The following ABCA13 variants were observed in gnomAD, a reference collection of about 807,000 sequenced individuals.
ABCA13 encodes the protein ATP-binding cassette sub-family A member 13.
Under a neutral mutation model 478.7 loss-of-function variants are expected in ABCA13, and 476 were observed. The ratio of observed to expected loss-of-function variants is 0.99; its 90% CI spans 0.92 to 1.07. The LOEUF (loss-of-function observed/expected upper bound fraction) is 1.07. Ranked by LOEUF, ABCA13 falls within the 50% of genes least tolerant of loss-of-function variation. The pLI, the probability that ABCA13 is intolerant of heterozygous loss-of-function variation, is 0.00. For synonymous variants in ABCA13, 2,252 were observed against 2,158.9 expected (o/e 1.04, Z -1.20); for missense variants, 6,060 against 5,910.6 (o/e 1.03, Z -0.83).
chr7:48,254,605 A>AT (rs1425472070), intron 15 of ABCA13, among the ~76,000 whole-genome samples: 7 of 151,512 alleles, frequency 4.6e-5, no homozygotes, highest in Middle Eastern at 3.4e-3. Context: ...ACTCTGCATG[A>AT]TTTTTTTTTC....
At chr7:48,643,155 A>G (rs1795219981) in intron 59 of ABCA13, 133 bp from the exon 60 acceptor site, 1 of 600,752 alleles carries the variant, frequency 1.7e-6, no homozygotes, top group Non-Finnish European at 3.0e-6. Context: ...TGTGTCTTAT[A>G]TTGAGAATCC....
intron 47 of ABCA13, among the ~76,000 whole-genome samples, chr7:48,488,478 A>G (rs1017922434): frequency 8.5e-5 from 13 of 152,172 alleles, no homozygotes; most frequent in Non-Finnish European, 1.6e-4. Context: ...ACTTGCTGTG[A>G]GGCAGCGGTA....
At chr7:48,347,676 G>A (rs977620188) in intron 29 of ABCA13, among the ~76,000 whole-genome samples, 5 of 152,180 alleles carry the variant, frequency 3.3e-5, no homozygotes, top group Non-Finnish European at 7.3e-5. Flanking sequence ...GTGGAGGTGG[G>A]GCTGGAAATC....
At chr7:48,590,406 G>T (rs998705284) in intron 57 of ABCA13, among the ~76,000 whole-genome samples, 1 of 152,084 alleles carries the variant, frequency 6.6e-6, no homozygotes, top group Admixed American at 6.5e-5. Flanking sequence ...TGCTTAGGTT[G>T]TTTCTATATC....
At chr7:48,269,873 C>T (rs1328385883) in intron 16 of ABCA13, among the ~76,000 whole-genome samples, 4 of 152,168 alleles carry the variant, frequency 2.6e-5, no homozygotes, top group Non-Finnish European at 5.9e-5. Context: ...TCCTATGGAA[C>T]TTCTTAAGCC....
At chr7:48,180,313 G>A (rs1264456680) in intron 1 of ABCA13, among the ~76,000 whole-genome samples, 1 of 152,178 alleles carries the variant, frequency 6.6e-6, no homozygotes, top group Non-Finnish European at 1.5e-5. Context: ...TCCAGGTGGG[G>A]TTAGGCACTG....
intron 59 of ABCA13, among the ~76,000 whole-genome samples, chr7:48,617,534 G>A (rs1478883611): frequency 2.6e-5 from 4 of 152,130 alleles, no homozygotes; most frequent in Non-Finnish European, 5.9e-5. Flanking sequence ...GAGGGAGAAC[G>A]GAAGAGAGGA....
chr7:48,458,998 C>A (rs910089962), intron 43 of ABCA13, among the ~76,000 whole-genome samples: 1 of 152,286 alleles, frequency 6.6e-6, no homozygotes, highest in Non-Finnish European at 1.5e-5. Flanking sequence ...CCATTCATGA[C>A]CCAGGCTTCT....
intron 45 of ABCA13, among the ~76,000 whole-genome samples, chr7:48,473,796 A>G (rs1038805005): frequency 6.6e-6 from 1 of 152,058 alleles, no homozygotes. Flanking sequence ...TCCTCAGATA[A>G]AAAGTTTTTT....
At position 48,248,411 on chromosome 7, in the gene ABCA13, C is replaced by G; in HGVS notation, c.1832C>G (p.Ser611Cys). ...CCCTCTCCTGAGAATGATGTCTTTT[C>G]TAGTGACTGTAAGCACCAGCTTGTC... ...ADPSPENDVFSSDCKHQLVST... is the reference protein window; with the variant it reads ...ADPSPENDVFCSDCKHQLVST... Residue 611 changes from serine to cysteine, a missense_variant, in exon 14 of 62, where the codon TCT becomes TGT. Ser to Cys is a moderately radical substitution (Grantham distance 112). Transcript: ENST00000435803. 6.2e-7 allele frequency: 1 copy of G among 1,611,470 alleles called. No homozygotes were observed. The highest frequency in any genetic ancestry group is 1.3e-5 in the African/African-American group (1 of 74,954).
rs959967334 is a variant in ABCA13 at position 48,646,607 on chromosome 7, C to T, written c.*1095C>T. The T allele has an allele frequency of 7.9e-5, 12 of 152,162 alleles. 1 individual carries two copies. The highest frequency in any genetic ancestry group is 2.9e-4 in the African/African-American group (12 of 41,478). 9.4% of individuals were successfully genotyped at this position (152,162 alleles called of 1,614,324 possible). Reference sequence around the variant, plus strand: ...CGATGTCGGCTCACTGCAAGCTCCGCCTCCTGGGTTCACGCCATTCTCCTG... The same window carrying T: ...CGATGTCGGCTCACTGCAAGCTCCGTCTCCTGGGTTCACGCCATTCTCCTG... On this transcript the variant is annotated 3_prime_UTR_variant, in exon 62 of 62. Transcript: ENST00000435803.
intron 15 of ABCA13, among the ~76,000 whole-genome samples, chr7:48,266,086 T>A (rs1307367208): frequency 1.3e-5 from 2 of 151,770 alleles, no homozygotes; most frequent in Non-Finnish European, 3.0e-5. Context: ...ATTGCTTATT[T>A]TAAATGTTAA....
At chr7:48,339,527 C>T (rs1343984239) in intron 29 of ABCA13, among the ~76,000 whole-genome samples, 2 of 152,286 alleles carry the variant, frequency 1.3e-5, no homozygotes, top group Non-Finnish European at 2.9e-5. Context: ...ATGCAGATGT[C>T]TTAGAGTGTG....
chr7:48,223,372 A>G (rs991156423), intron 5 of ABCA13, among the ~76,000 whole-genome samples: 1 of 152,064 alleles, frequency 6.6e-6, no homozygotes, highest in African/African-American at 2.4e-5. Flanking sequence ...ATCAAGGGAG[A>G]GTGTGTAGAC....
Position 48,272,313 on chromosome 7 carries a change from A to G in ABCA13, c.2647A>G (p.Lys883Glu). 1 of 1,613,778 alleles carries G rather than the reference A, an allele frequency of 6.2e-7. No individual in the cohort carries two copies. The change falls in exon 17 of 62, where the codon AAA (lysine) becomes GAA (glutamate). Residue 883 changes from lysine to glutamate, a missense_variant. By Grantham distance (56) the Lys-to-Glu change is moderately conservative. This residue lies in a region of ABCA13 where 4,423 missense variants were observed against 4,309.1 expected (regional missense o/e 1.03). Transcript: ENST00000435803. ...CCAGTTGTTCCATTCAGATTGGCCT[A>G]AATCACCAGCTATGAACATAGATTT... Reference protein sequence around the residue: ...FSQLFHSDWPKSPAMNIDFVR... With the variant: ...FSQLFHSDWPESPAMNIDFVR...
intron 43 of ABCA13, among the ~76,000 whole-genome samples, chr7:48,458,842 G>A (rs1033633544): frequency 1.3e-5 from 2 of 152,136 alleles, no homozygotes; most frequent in Non-Finnish European, 2.9e-5. Flanking sequence ...TGCTTTGGTG[G>A]CCAGGTAGGG....
chr7:48,450,436 G>A (rs1824849364), intron 42 of ABCA13, among the ~76,000 whole-genome samples: 1 of 152,164 alleles, frequency 6.6e-6, no homozygotes, highest in African/African-American at 2.4e-5. Flanking sequence ...AAATTTTTAA[G>A]TAGGTTAAAA....
chr7:48,197,176 G>A (rs1177410481), intron 2 of ABCA13, among the ~76,000 whole-genome samples: 3 of 152,176 alleles, frequency 2.0e-5, no homozygotes, highest in Non-Finnish European at 2.9e-5. Flanking sequence ...ACAAGCCCAG[G>A]GTGCTGCTGC....
At chr7:48,567,654 A>G (rs139792155) in intron 55 of ABCA13, among the ~76,000 whole-genome samples, 1 of 152,250 alleles carries the variant, frequency 6.6e-6, no homozygotes, top group East Asian at 1.9e-4. Context: ...ATGAACTTTT[A>G]TAGTATTAGC....
Sources: gnomAD v4.1 joint callset for allele counts (sites outside exome capture counted in the v4.1 genomes callset) on GRCh38, gnomAD v4.1.1 for gene constraint, gnomAD v4.1.1 regional missense constraint, MANE v1.5 for transcripts, NCBI Gene and HGNC (gene_info 2026-07-23, HGNC 2026-07-21) for gene names.